CREB5: variants seen among roughly 807,000 people sequenced by gnomAD.
The protein encoded by CREB5 is cyclic AMP-responsive element-binding protein 5.
In CREB5, 19 loss-of-function variants were observed where a neutral mutation model predicts 57.1. The ratio of observed to expected loss-of-function variants is 0.33; its 90% CI spans 0.23 to 0.49. CREB5 has a LOEUF of 0.49. CREB5 is among the 20% of genes least tolerant of loss of function. The pLI is 0.99. For synonymous variants in CREB5, 238 were observed against 238.3 expected (o/e 1.00, Z 0.01); for missense variants, 579 against 671.6 (o/e 0.86, Z 1.52).
chr7:28,579,419 C>T (rs536007442), intron 5 of CREB5, among the ~76,000 whole-genome samples: 8 of 152,170 alleles, frequency 5.3e-5, no homozygotes, highest in South Asian at 4.1e-4. Flanking sequence ...TGGTACCAGA[C>T]ACATTTCAAG....
At chr7:28,698,930 T>G (rs17157055) in intron 5 of CREB5, among the ~76,000 whole-genome samples, 16,817 of 152,258 alleles carry the variant, frequency 0.11, 1,292 homozygotes, top group Non-Finnish European at 0.17. Context: ...AATTATTTTT[T>G]ACTAGCTATG....
At chr7:28,401,741 C>T in intron 1 of CREB5, among the ~76,000 whole-genome samples, 1 of 152,198 alleles carries the variant, frequency 6.6e-6, no homozygotes, top group Non-Finnish European at 1.5e-5. Context: ...AGGACATGAA[C>T]TCATCCTTTT....
chr7:28,534,628 C>T (rs988060199), intron 4 of CREB5, among the ~76,000 whole-genome samples: 10 of 152,124 alleles, frequency 6.6e-5, no homozygotes, highest in African/African-American at 2.4e-4. Flanking sequence ...GATAATATTT[C>T]CTTCTCTTCA....
chr7:28,345,668 T>C (rs774251016), intron 1 of CREB5, among the ~76,000 whole-genome samples: 17 of 152,166 alleles, frequency 1.1e-4, no homozygotes, highest in Non-Finnish European at 2.2e-4. Flanking sequence ...TATCTTGTGT[T>C]GGTTCTGGCA....
chr7:28,582,560 G>T (rs1796160430), intron 5 of CREB5, among the ~76,000 whole-genome samples: 1 of 152,254 alleles, frequency 6.6e-6, no homozygotes, highest in South Asian at 2.1e-4. Context: ...GATTTCTCTG[G>T]AAAGTTGGGA....
intron 5 of CREB5, among the ~76,000 whole-genome samples, chr7:28,645,943 C>T (rs747877650): frequency 6.6e-6 from 1 of 152,182 alleles, no homozygotes; most frequent in Non-Finnish European, 1.5e-5. Context: ...GGTGAATTTG[C>T]TCTCTGAGCT....
In CREB5 at chr7:28,550,985, G is replaced by T. The variant is rs774867460; in HGVS notation, c.292-19380G>T. On this transcript the variant is annotated intron_variant, in intron 4 of 10. Coordinates refer to ENST00000357727, the MANE Select transcript of CREB5 (RefSeq NM_182898.4). ...ATAGGAACACAACAAGCTTTAGGGG[G>T]TAATTACTTTCTGAATACTTGATGT... 7.9e-5 allele frequency among the ~76,000 whole-genome samples: 12 copies of T among 152,252 alleles called. No homozygotes were observed. In the East Asian group the frequency reaches 2.1e-3, roughly 27 times the overall value.
intron 6 of CREB5, among the ~76,000 whole-genome samples, chr7:28,722,623 C>G (rs1803102037): frequency 6.6e-6 from 1 of 152,054 alleles, no homozygotes; most frequent in South Asian, 2.1e-4. Flanking sequence ...ATTAGCTGTT[C>G]AGAGATTTAG....
At chr7:28,606,399 C>A (rs985222741) in intron 5 of CREB5, among the ~76,000 whole-genome samples, 8 of 152,012 alleles carry the variant, frequency 5.3e-5, no homozygotes, top group African/African-American at 1.9e-4. Context: ...GATGAGTTAC[C>A]CCCACATCCT....
chr7:28,768,176 A>G (rs1443655169), intron 7 of CREB5, among the ~76,000 whole-genome samples: 3 of 152,080 alleles, frequency 2.0e-5, no homozygotes, highest in Non-Finnish European at 4.4e-5. Context: ...TAGGGGGTGA[A>G]TGTGCAGGGA....
Position 28,587,136 on chromosome 7 carries a change from A to G in CREB5, c.464+16599A>G, listed in dbSNP as rs117275396. Among the ~76,000 whole-genome samples the G allele has an allele frequency of 5.6e-3, 856 of 152,362 alleles. 3 individuals are homozygous for G. Among genetic ancestry groups the G allele is most frequent in the Middle Eastern group, 0.024 (7 of 294 alleles). On this transcript the variant is annotated intron_variant, in intron 5 of 10. Transcript: ENST00000357727. ...ATTTATCTATACTTGGCTTCATTCCAAGAAAAGGATTTGAGGAGACTCAGA... is the reference window on the plus strand; with the variant it reads ...ATTTATCTATACTTGGCTTCATTCCGAGAAAAGGATTTGAGGAGACTCAGA...
rs550944596 is a variant in CREB5 at position 28,683,275 on chromosome 7, T to G, written c.465-35478T>G. On this transcript the variant is annotated intron_variant, in intron 5 of 10. Coordinates refer to ENST00000357727, the MANE Select transcript of CREB5 (RefSeq NM_182898.4). ...GAACAGGATCTTGTCTCTCTTTAGC[T>G]GCTCACAGGAAGGAAAATGGGAAAG... 1.6e-3 allele frequency among the ~76,000 whole-genome samples: 247 copies of G among 152,248 alleles called. 1 individual carries two copies. The highest frequency in any genetic ancestry group is 5.8e-3 in the African/African-American group (239 of 41,538).
chr7:28,467,708 A>G lies in CREB5; in HGVS notation c.4-20467A>G, dbSNP rs117824436. Among the ~76,000 whole-genome samples the G allele has an allele frequency of 2.9e-4, 44 of 152,298 alleles. No individual in the cohort carries two copies. The East Asian group carries it at 7.5e-3, about 26-fold the overall frequency. On this transcript the variant is annotated intron_variant, in intron 1 of 10. Coordinates refer to ENST00000357727, the MANE Select transcript of CREB5 (RefSeq NM_182898.4). ...TACCATGCAAATGTAAATGTTCCCT[A>G]GGATGGATAACAGAAAAGCCATCAT... is the stretch of plus-strand genomic sequence containing the variant.
chr7:28,667,025 T>C (rs1430014801), intron 5 of CREB5, among the ~76,000 whole-genome samples: 1 of 151,958 alleles, frequency 6.6e-6, no homozygotes, highest in Admixed American at 6.6e-5. Flanking sequence ...ATCAAATAGG[T>C]CACCAGCGAC....
At chr7:28,663,991 G>T (rs1176530208) in intron 5 of CREB5, among the ~76,000 whole-genome samples, 1 of 152,178 alleles carries the variant, frequency 6.6e-6, no homozygotes, top group African/African-American at 2.4e-5. Context: ...AGAATAACTG[G>T]AAAACCATAC....
chr7:28,540,468 A>C (rs566615300), intron 4 of CREB5, among the ~76,000 whole-genome samples: 2 of 152,292 alleles, frequency 1.3e-5, no homozygotes, highest in African/African-American at 4.8e-5. Flanking sequence ...GTAAAAGAGC[A>C]CAGTAGTCTG....
chr7:28,695,093 A>G (rs953029317), intron 5 of CREB5, among the ~76,000 whole-genome samples: 18 of 152,110 alleles, frequency 1.2e-4, no homozygotes, highest in Admixed American at 7.2e-4. Flanking sequence ...CGGGCATGGT[A>G]TCATGCACCT....
chr7:28,351,844 A>T (rs12700883), intron 1 of CREB5, among the ~76,000 whole-genome samples: 51,942 of 152,028 alleles, frequency 0.34, 9,255 homozygotes, highest in Non-Finnish European at 0.39. Context: ...TTTATAGTCT[A>T]CAGTAATAAA....
intron 1 of CREB5, among the ~76,000 whole-genome samples, chr7:28,355,569 G>C (rs1003678551): frequency 1.3e-5 from 2 of 152,060 alleles, no homozygotes; most frequent in African/African-American, 2.4e-5. Context: ...ATTTTTCTCA[G>C]ACAGACACAG....
Sources: allele counts gnomAD v4.1 joint callset (sites outside exome capture counted in the v4.1 genomes callset), GRCh38; gene constraint gnomAD v4.1.1; transcripts MANE v1.5; gene names NCBI Gene and HGNC (gene_info 2026-07-23, HGNC 2026-07-21).